The following ATXN7 variants were observed in gnomAD, a reference collection of about 807,000 sequenced individuals.
ATXN7 encodes ataxin-7.
ATXN7 carries 12 observed loss-of-function variants against 70.5 expected under a neutral mutation model. The ratio of observed to expected loss-of-function variants is 0.17; its 90% CI spans 0.11 to 0.28. ATXN7 has a LOEUF of 0.28. Among genes scored for constraint, ATXN7 ranks in the 10% least tolerant of loss-of-function variants. ATXN7 has a pLI of 1.00. For missense variants in ATXN7, 1,256 were observed against 1,131.7 expected (o/e 1.11, Z -1.58); for synonymous variants, 498 against 448.7 (o/e 1.11, Z -1.39).
intron 4 of ATXN7, among the ~76,000 whole-genome samples, chr3:63,933,526 C>T (rs2074597275): frequency 6.6e-6 from 1 of 152,204 alleles, no homozygotes; most frequent in South Asian, 2.1e-4. Context: ...ATGTACTCTG[C>T]AAGCCCTGGC....
chr3:63,910,163 T>C (rs551109526), intron 2 of ATXN7, among the ~76,000 whole-genome samples: 7 of 152,312 alleles, frequency 4.6e-5, no homozygotes, highest in African/African-American at 1.7e-4. Flanking sequence ...TTGATCCCCA[T>C]TGGCTAGAAG....
chr3:63,992,184 G>A (rs2075682780), intron 11 of ATXN7, among the ~76,000 whole-genome samples: 1 of 152,220 alleles, frequency 6.6e-6, no homozygotes, highest in African/African-American at 2.4e-5. Flanking sequence ...GCCTTGGATT[G>A]TCTGCAACCC....
chr3:63,903,166 G>A (rs958384639), intron 2 of ATXN7, among the ~76,000 whole-genome samples: 3 of 152,074 alleles, frequency 2.0e-5, no homozygotes, highest in East Asian at 1.9e-4. Flanking sequence ...AGGCCGAGGC[G>A]GGAGGATCAC....
At chr3:63,885,932 G>A (rs7430271) in intron 1 of ATXN7, among the ~76,000 whole-genome samples, 3,686 of 152,216 alleles carry the variant, frequency 0.024, 148 homozygotes, top group African/African-American at 0.081. Flanking sequence ...CAGGAGAATC[G>A]CTTCAACCTG....
rs144522123 is a variant in ATXN7, at chr3:63,940,701, A to G, written c.395-11678A>G. 6.9e-3 allele frequency among the ~76,000 whole-genome samples: 1,050 copies of G among 152,254 alleles called. 11 individuals are homozygous for G. The highest frequency in any genetic ancestry group is 9.4e-3 in the Non-Finnish European group (639 of 68,014). ...ACAGTCCATTAAAGTTGATACTATCATTTTCAAATGTAGAAACTGTATGCC... is the reference window on the plus strand; with the variant it reads ...ACAGTCCATTAAAGTTGATACTATCGTTTTCAAATGTAGAAACTGTATGCC... On this transcript the variant is annotated intron_variant, in intron 4 of 12. Transcript: ENST00000674280.
intron 2 of ATXN7, among the ~76,000 whole-genome samples, chr3:63,908,946 G>A (rs1011587109): frequency 6.6e-6 from 1 of 152,176 alleles, no homozygotes; most frequent in African/African-American, 2.4e-5. Flanking sequence ...TGACAGCCCA[G>A]TTCTTAAGCC....
intron 4 of ATXN7, among the ~76,000 whole-genome samples, chr3:63,933,717 A>T (rs1374144032): frequency 6.6e-6 from 1 of 152,178 alleles, no homozygotes; most frequent in Non-Finnish European, 1.5e-5. Context: ...GACTGTGGTA[A>T]TGTCCCTTGT....
chr3:63,981,658 TC>T (rs1318663011), intron 6 of ATXN7, among the ~76,000 whole-genome samples: 7 of 152,214 alleles, frequency 4.6e-5, no homozygotes, highest in African/African-American at 1.7e-4. Flanking sequence ...AACACTAGTC[TC>T]CCTTATTGAC....
intron 4 of ATXN7, among the ~76,000 whole-genome samples, chr3:63,933,066 T>G (rs563791158): frequency 3.4e-4 from 52 of 152,224 alleles, no homozygotes; most frequent in Non-Finnish European, 7.1e-4. Flanking sequence ...TTTGCTTGTT[T>G]TGTAAGTAAA....
intron 5 of ATXN7, among the ~76,000 whole-genome samples, chr3:63,954,731 C>T (rs1239098580): frequency 6.0e-5 from 7 of 116,468 alleles, no homozygotes; most frequent in Admixed American, 3.2e-4. Context: ...TTTTTTGAGA[C>T]GGAGTCTCGC....
At chr3:63,912,553 G>A (rs1348132037) in intron 2 of ATXN7, 35 bp from the exon 3 acceptor site, 1 of 1,106,728 alleles carries the variant, frequency 9.0e-7, no homozygotes, top group South Asian at 2.2e-5. Context: ...CGGCCCCCGC[G>A]CGACTCTTTC....
rs1703511892 is a variant in ATXN7, at chr3:63,898,432, A to G, written c.-77A>G. 1 of 152,200 alleles carries G rather than the reference A, an allele frequency of 6.6e-6. No individual in the cohort carries two copies. The highest frequency in any genetic ancestry group is 1.5e-5 in the Non-Finnish European group (1 of 68,042). 9.4% of individuals were successfully genotyped at this position (152,200 alleles called of 1,614,324 possible). A position where few individuals can be genotyped will look rare whatever the true frequency, so the allele number is the denominator to read the frequency against. The stretch of plus-strand genomic sequence containing the variant: ...AGAATTAAGACGAACGAGCTTTCAC[A>G]ATTGCAGCAGATGAAGATCCATTGG... On this transcript the variant is annotated 5_prime_UTR_variant, in exon 2 of 13. Transcript: ENST00000674280.
At chr3:63,927,453 C>CA (rs775660287) in intron 4 of ATXN7, among the ~76,000 whole-genome samples, 1 of 152,136 alleles carries the variant, frequency 6.6e-6, no homozygotes, top group Non-Finnish European at 1.5e-5. Context: ...TATAGACCAC[C>CA]CACTAATAAT....
At chr3:63,963,375 C>T (rs2106697604) in intron 5 of ATXN7, among the ~76,000 whole-genome samples, 1 of 152,210 alleles carries the variant, frequency 6.6e-6, no homozygotes, top group Admixed American at 6.5e-5. Context: ...ATGTAATCAT[C>T]TCAACTATTT....
intron 11 of ATXN7, among the ~76,000 whole-genome samples, chr3:63,993,292 T>C (rs1226999777): frequency 1.3e-5 from 2 of 150,042 alleles, no homozygotes; most frequent in African/African-American, 4.9e-5. Context: ...TTTTTTTTTT[T>C]TTTTTACTTT....
chr3:63,951,883 G>A (rs999652000), intron 4 of ATXN7, among the ~76,000 whole-genome samples: 1 of 152,120 alleles, frequency 6.6e-6, no homozygotes, highest in African/African-American at 2.4e-5. Flanking sequence ...CTATGACTTG[G>A]AAAAAATATA....
rs116828256 is a variant in ATXN7, at chr3:63,925,665, C to T, written c.394+12440C>T. On this transcript the variant is annotated intron_variant, in intron 4 of 12. Transcript: ENST00000674280. ...GCACCCTTAGAAGAAAATGTAAACT[C>T]CCTAGCAAGGCCTGGATAGTGGGAG... 3.8e-3 allele frequency among the ~76,000 whole-genome samples: 585 copies of T among 152,280 alleles called. 3 individuals carry two copies. Among genetic ancestry groups the T allele is most frequent in the Middle Eastern group, 0.02 (6 of 294 alleles).
chr3:63,924,485 C>T (rs1191109837), intron 4 of ATXN7, among the ~76,000 whole-genome samples: 1 of 152,050 alleles, frequency 6.6e-6, no homozygotes, highest in East Asian at 1.9e-4. Context: ...AAGGGCTGAG[C>T]CTTGGGTCCC....
Position 63,982,921 on chromosome 3 carries a change from C to T in ATXN7, c.1013-18C>T, listed in dbSNP as rs769089955. ...AGAGTTTGTCAGGCCACATGTAATG[C>T]CTGTGTTCTTTTGACAGAAAGAGAG... is the stretch of plus-strand genomic sequence containing the variant. On this transcript the variant is annotated intron_variant, in intron 7 of 12. Coordinates refer to ENST00000674280, the MANE Select transcript of ATXN7 (RefSeq NM_001377405.1). 1 of 1,602,264 alleles carries T rather than the reference C, an allele frequency of 6.2e-7. No individual in the cohort carries two copies. Among genetic ancestry groups the T allele is most frequent in the Non-Finnish European group, 8.6e-7 (1 of 1,169,482 alleles).
Sources: allele counts gnomAD v4.1 joint callset (sites outside exome capture counted in the v4.1 genomes callset), GRCh38; gene constraint gnomAD v4.1.1; transcripts MANE v1.5; gene names NCBI Gene and HGNC (gene_info 2026-07-23, HGNC 2026-07-21).